The following CAAP1 variants were observed in gnomAD, a reference collection of about 807,000 sequenced individuals.
CAAP1 encodes conserved anti-apoptotic protein.
Under a neutral mutation model 34.0 loss-of-function variants are expected in CAAP1, and 20 were observed. The ratio of observed to expected loss-of-function variants is 0.59; its 90% CI spans 0.41 to 0.86. The LOEUF (loss-of-function observed/expected upper bound fraction) is 0.86, where lower values mean the gene tolerates loss of function less well. Among genes scored for constraint, CAAP1 ranks in the 40% least tolerant of loss-of-function variants. The probability of loss-of-function intolerance (pLI) is 0.00; values close to 1 mark genes in which losing one functional copy is unlikely to be tolerated. For missense variants in CAAP1, 538 were observed against 450.5 expected, an observed-to-expected ratio of 1.19 and a Z score of -1.76; for synonymous variants, 213 against 166.7, an observed-to-expected ratio of 1.28 and a Z score of -2.14.
At chr9:26,862,670 G>A (rs1823030265) in intron 4 of CAAP1, among the ~76,000 whole-genome samples, 1 of 152,148 alleles carries the variant, frequency 6.6e-6, no homozygotes, top group South Asian at 2.1e-4. Context: ...AAAGAGCCAA[G>A]ACAATTAAAT....
At chr9:26,862,415 C>CA (rs201777956) in intron 4 of CAAP1, among the ~76,000 whole-genome samples, 8,574 of 131,570 alleles carry the variant, frequency 0.065, 789 homozygotes, top group African/African-American at 0.21. Flanking sequence ...TCTAAATTTA[C>CA]AAAAAAAAAA....
At chr9:26,859,142 G>A (rs2131307976) in intron 5 of CAAP1, among the ~76,000 whole-genome samples, 1 of 152,178 alleles carries the variant, frequency 6.6e-6, no homozygotes, top group Admixed American at 6.5e-5. Context: ...CCATCAGTGT[G>A]TTCCTAATGT....
intron 5 of CAAP1, among the ~76,000 whole-genome samples, chr9:26,858,565 G>A (rs1822929031): frequency 6.6e-6 from 1 of 152,162 alleles, no homozygotes; most frequent in Admixed American, 6.5e-5. Flanking sequence ...GCTCACGCCT[G>A]TAATCCCAGC....
At chr9:26,882,834 C>A (rs148464434) in intron 4 of CAAP1, among the ~76,000 whole-genome samples, 1 of 152,296 alleles carries the variant, frequency 6.6e-6, no homozygotes, top group African/African-American at 2.4e-5. Flanking sequence ...CCATTTGCAT[C>A]AGTGTGACCT....
intron 5 of CAAP1, among the ~76,000 whole-genome samples, chr9:26,851,935 C>A (rs1178073790): frequency 2.0e-5 from 3 of 152,164 alleles, no homozygotes; most frequent in African/African-American, 7.2e-5. Context: ...TTATCTACTT[C>A]ATAAACTACC....
rs1270092244 is a variant in CAAP1, at chr9:26,887,327, G to A, written c.490C>T (p.Pro164Ser). ...TAATGAAGTACCTTTAACACATCAG[G>A]AAGCATCTTCTGTAACTTTTTCTCT... ...IGEKKLQKML[P>S]DVLKNCSIEE... Residue 164 changes from proline (P) to serine (S), a missense_variant, in exon 2 of 6, where the codon CCT (proline) becomes TCT (serine). This residue lies in a region of CAAP1 where 514 missense variants were observed against 408.4 expected (regional missense o/e 1.26). Transcript: ENST00000333916. 2 of 1,597,940 alleles carry A rather than the reference G, an allele frequency of 1.3e-6. No individual in the cohort carries two copies. The highest frequency in any genetic ancestry group is 1.7e-6 in the Non-Finnish European group (2 of 1,170,530).
intron 5 of CAAP1, among the ~76,000 whole-genome samples, chr9:26,851,250 C>A (rs765569142): frequency 6.6e-6 from 1 of 152,036 alleles, no homozygotes; most frequent in African/African-American, 2.4e-5. Context: ...AGGCAAAAAT[C>A]AGGGAGATAT....
At chr9:26,892,201 G>C (rs527868063) in intron 1 of CAAP1, 2 of 1,345,490 alleles carry the variant, frequency 1.5e-6, no homozygotes, top group Admixed American at 3.0e-5. Context: ...AAAGTGATCA[G>C]GAAATCCAGA....
intron 5 of CAAP1, among the ~76,000 whole-genome samples, chr9:26,845,575 C>T (rs1822580283): frequency 6.6e-6 from 1 of 152,156 alleles, no homozygotes; most frequent in Non-Finnish European, 1.5e-5. Context: ...GGGGTTTCAC[C>T]ATGTTGGTCA....
At chr9:26,850,867 C>G (rs1822733392) in intron 5 of CAAP1, among the ~76,000 whole-genome samples, 1 of 151,984 alleles carries the variant, frequency 6.6e-6, no homozygotes, top group African/African-American at 2.4e-5. Context: ...TGTGGCATGA[C>G]TGATTTCTAA....
intron 1 of CAAP1, among the ~76,000 whole-genome samples, 169 bp from the exon 2 acceptor site, chr9:26,887,682 C>T (rs1329432463): frequency 6.6e-6 from 1 of 152,118 alleles, no homozygotes; most frequent in Non-Finnish European, 1.5e-5. Context: ...TTTAATATTA[C>T]TTGATTTTTC....
intron 4 of CAAP1, among the ~76,000 whole-genome samples, chr9:26,867,652 C>T (rs1046674370): frequency 1.3e-5 from 2 of 152,072 alleles, no homozygotes; most frequent in African/African-American, 4.8e-5. Flanking sequence ...AACATATTTT[C>T]ACATAATATA....
At position 26,846,002 on chromosome 9, in the gene CAAP1, C is replaced by G. The variant is rs192392636; in HGVS notation, c.740-3355G>C. Among the ~76,000 whole-genome samples the G allele has an allele frequency of 1.6e-3, 245 of 152,008 alleles. 1 individual carries two copies. Among genetic ancestry groups the G allele is most frequent in the African/African-American group, 5.6e-3 (234 of 41,446 alleles). On this transcript the variant is annotated intron_variant, in intron 5 of 5. Coordinates refer to ENST00000333916, the MANE Select transcript of CAAP1 (RefSeq NM_024828.4). ...AGAGTAGAGTGCTTGGATATATGGC[C>G]GTGAAAAGGAGGGAAAGGAGGAGGA...
chr9:26,869,433 GT>G (rs1823220146), intron 4 of CAAP1, among the ~76,000 whole-genome samples: 1 of 152,004 alleles, frequency 6.6e-6, no homozygotes, highest in Non-Finnish European at 1.5e-5. Flanking sequence ...ATGGAATAGA[GT>G]TCCATATCAT....
rs1282688198 is a variant in CAAP1 at position 26,856,134 on chromosome 9, G to GA, written c.739+4931_739+4932insT. Among the ~76,000 whole-genome samples the GA allele has an allele frequency of 5.7e-5, 8 of 139,340 alleles. No homozygotes were observed. The East Asian group carries it at 1.2e-3, about 21-fold the overall frequency. 91.4% of individuals were successfully genotyped at this position (139,340 alleles called of 152,430 possible). A position where few individuals can be genotyped will look rare whatever the true frequency, so the allele number is the denominator to read the frequency against. On this transcript the variant is annotated intron_variant, in intron 5 of 5. Coordinates refer to ENST00000333916, the MANE Select transcript of CAAP1 (RefSeq NM_024828.4). ...GCCAGTAATTTTTTTTAAAAGGGGG[G>GA]GGGTAGAATTTGAGCCTATTTAAAG... is the stretch of plus-strand genomic sequence containing the variant.
chr9:26,861,261 G>C (rs1443689211), intron 4 of CAAP1, 122 bp from the exon 5 acceptor site: 7 of 669,034 alleles, frequency 1.0e-5, no homozygotes, highest in Non-Finnish European at 1.8e-5. Flanking sequence ...TAAGCTCCCA[G>C]GGTATCATTC....
At chr9:26,873,678 T>G (rs1186726702) in intron 4 of CAAP1, among the ~76,000 whole-genome samples, 1 of 152,166 alleles carries the variant, frequency 6.6e-6, no homozygotes, top group African/African-American at 2.4e-5. Flanking sequence ...AAGACAACAC[T>G]CTAATTCCAA....
intron 5 of CAAP1, 72 bp from the exon 6 acceptor site, chr9:26,842,719 T>C: frequency 1.6e-6 from 2 of 1,287,676 alleles, no homozygotes; most frequent in Non-Finnish European, 2.1e-6. Flanking sequence ...CTGTTTATAA[T>C]TTAAAAACTG....
intron 4 of CAAP1, among the ~76,000 whole-genome samples, chr9:26,876,472 G>GGTTTTTTTTTTTTTTTTTTTTTTTTTT (rs1554652213): frequency 8.0e-6 from 1 of 125,714 alleles, no homozygotes; most frequent in African/African-American, 2.8e-5. Flanking sequence ...ATTCTAGAAG[G>GGTTTTTTTTTTTTTTTTTTTTTTTTTT]TTTTTTTTTT....
Sources: allele counts gnomAD v4.1 joint callset (sites outside exome capture counted in the v4.1 genomes callset), GRCh38; gene constraint gnomAD v4.1.1; regional missense constraint gnomAD v4.1.1; transcripts MANE v1.5; gene names NCBI Gene and HGNC (gene_info 2026-07-23, HGNC 2026-07-21).